The following ERO1B variants were observed in gnomAD, a reference collection of about 807,000 sequenced individuals.
The protein encoded by ERO1B is ERO1-like protein beta.
Under a neutral mutation model 75.3 loss-of-function variants are expected in ERO1B, and 49 were observed. The observed-to-expected ratio is 0.65, with a 90% confidence interval of 0.52 to 0.83. ERO1B has a LOEUF of 0.83. Ranked by LOEUF, ERO1B falls within the 40% of genes least tolerant of loss-of-function variation. ERO1B has a pLI of 0.00. For missense variants in ERO1B, 512 were observed against 560.1 expected (o/e 0.91, Z 0.87); for synonymous variants, 191 against 192.9 (o/e 0.99, Z 0.08).
chr1:236,272,836 T>C (rs772569025), intron 1 of ERO1B, among the ~76,000 whole-genome samples: 6 of 152,162 alleles, frequency 3.9e-5, no homozygotes, highest in Non-Finnish European at 8.8e-5. Flanking sequence ...TGGAATCTAA[T>C]GTGTGAATTT....
chr1:236,248,953 A>C (rs573485723), intron 5 of ERO1B, among the ~76,000 whole-genome samples: 40 of 152,238 alleles, frequency 2.6e-4, no homozygotes, highest in South Asian at 2.3e-3. Context: ...TCCTATATTA[A>C]ATTTTGTCTT....
At chr1:236,268,434 T>C (rs1665504358) in intron 2 of ERO1B, among the ~76,000 whole-genome samples, 1 of 151,230 alleles carries the variant, frequency 6.6e-6, no homozygotes, top group African/African-American at 2.4e-5. Context: ...AGCGAGACCC[T>C]GTCTAAAAAA....
chr1:236,272,161 C>A (rs2492374), intron 1 of ERO1B, among the ~76,000 whole-genome samples: 139,290 of 152,212 alleles, frequency 0.92, 64,973 homozygotes, highest in East Asian at 1. Context: ...TATCAAAGAA[C>A]TAAAAGTAGA....
At chr1:236,234,794 G>C (rs1453588507) in intron 8 of ERO1B, among the ~76,000 whole-genome samples, 2 of 151,850 alleles carry the variant, frequency 1.3e-5, no homozygotes, top group African/African-American at 4.8e-5. Flanking sequence ...AGAAAACACT[G>C]GAATGGCAGG....
rs1457446902 is a variant in ERO1B at position 236,217,541 on chromosome 1, A to G, written c.*975T>C. On this transcript the variant is annotated 3_prime_UTR_variant, in exon 16 of 16. Coordinates refer to ENST00000354619, the MANE Select transcript of ERO1B (RefSeq NM_019891.4). ...GATTGCATAGATTGTATTCTAAAAT[A>G]AATCCTTTAAAAATGCTTACTTTAA... 1.3e-5 allele frequency: 2 copies of G among 152,598 alleles called. No homozygotes were observed. Among genetic ancestry groups the G allele is most frequent in the African/African-American group, 4.8e-5 (2 of 41,448 alleles). The allele number at this position is 152,598 out of a possible 1,614,324, so 9.5% of individuals were successfully genotyped here. A position where few individuals can be genotyped will look rare whatever the true frequency, so the allele number is the denominator to read the frequency against.
intron 6 of ERO1B, among the ~76,000 whole-genome samples, chr1:236,236,678 A>G (rs1664556294): frequency 6.6e-6 from 1 of 152,344 alleles, no homozygotes; most frequent in African/African-American, 2.4e-5. Context: ...TCACCTTATT[A>G]GAGACATGAA....
intron 2 of ERO1B, among the ~76,000 whole-genome samples, chr1:236,255,341 A>C (rs1367572599): frequency 6.6e-6 from 1 of 152,040 alleles, no homozygotes; most frequent in Non-Finnish European, 1.5e-5. Flanking sequence ...TATCACACCT[A>C]AGCAGAGAGA....
At chr1:236,241,188 C>T (rs897405507) in intron 6 of ERO1B, among the ~76,000 whole-genome samples, 1 of 152,088 alleles carries the variant, frequency 6.6e-6, no homozygotes, top group African/African-American at 2.4e-5. Context: ...TTTTAATCCA[C>T]TGAATTTGGG....
chr1:236,254,903 G>A (rs1451261069), intron 2 of ERO1B, among the ~76,000 whole-genome samples: 5 of 150,356 alleles, frequency 3.3e-5, no homozygotes, highest in East Asian at 2.0e-4. Context: ...ATGAACCACC[G>A]TGCCTGGCCG....
chr1:236,217,950 T>G lies in ERO1B; in HGVS notation c.*566A>C, dbSNP rs977128908. 6.6e-6 allele frequency: 1 copy of G among 152,184 alleles called. No individual in the cohort carries two copies. The highest frequency in any genetic ancestry group is 2.4e-5 in the African/African-American group (1 of 41,458). The allele number at this position is 152,184 out of a possible 1,614,324, so 9.4% of individuals were successfully genotyped here. A position where few individuals can be genotyped will look rare whatever the true frequency, so the allele number is the denominator to read the frequency against. ...AAGTCCTGGGGAATCTTCAGGAATTTCTGTAACTATGCATTGAAAGGGCCA... is the reference window on the plus strand; with the variant it reads ...AAGTCCTGGGGAATCTTCAGGAATTGCTGTAACTATGCATTGAAAGGGCCA... On this transcript the variant is annotated 3_prime_UTR_variant, in exon 16 of 16. Coordinates refer to ENST00000354619, the MANE Select transcript of ERO1B (RefSeq NM_019891.4).
rs1202032029 is a variant in ERO1B at position 236,231,665 on chromosome 1, T to C, written c.685+1163A>G. ...TTTAAATTGAGAATGATAGAAATTA[T>C]AGAAAAACCGAACACTCAGATGAGC... On this transcript the variant is annotated intron_variant, in intron 9 of 15. Coordinates refer to ENST00000354619, the MANE Select transcript of ERO1B (RefSeq NM_019891.4). Among the ~76,000 whole-genome samples, 5 of 152,056 alleles carry C rather than the reference T, an allele frequency of 3.3e-5. No individual in the cohort carries two copies. The East Asian group carries it at 7.7e-4, about 23-fold the overall frequency.
At chr1:236,262,191 ATGTATGGTCAAT>A (rs1195776530) in intron 2 of ERO1B, among the ~76,000 whole-genome samples, 50 of 152,360 alleles carry the variant, frequency 3.3e-4, no homozygotes, top group African/African-American at 1.2e-3. Context: ...ACTCCCAAGT[ATGTATGGTCAAT>A]TGATTTTTGG....
At chr1:236,262,328 G>A (rs16833530) in intron 2 of ERO1B, among the ~76,000 whole-genome samples, 10,461 of 152,180 alleles carry the variant, frequency 0.069, 748 homozygotes, top group East Asian at 0.39. Flanking sequence ...ATACAAAAAT[G>A]CTCTTCCCCA....
chr1:236,262,548 G>A (rs1421017730), intron 2 of ERO1B, among the ~76,000 whole-genome samples: 1 of 150,574 alleles, frequency 6.6e-6, no homozygotes, highest in African/African-American at 2.4e-5. Flanking sequence ...GATTACAGTT[G>A]CACATCACTA....
intron 3 of ERO1B, 110 bp downstream of exon 3, chr1:236,253,312 T>C (rs1665083208): frequency 1.5e-6 from 1 of 660,256 alleles, no homozygotes; most frequent in African/African-American, 1.8e-5. Flanking sequence ...GCATATGAAT[T>C]TGCTGACACA....
intron 1 of ERO1B, among the ~76,000 whole-genome samples, chr1:236,277,880 T>A (rs752760719): frequency 4.5e-4 from 68 of 152,344 alleles, no homozygotes; most frequent in Non-Finnish European, 8.4e-4. Context: ...TTAAAATCTT[T>A]TTGGCCACTC....
intron 1 of ERO1B, among the ~76,000 whole-genome samples, chr1:236,281,064 C>A (rs1205916378): frequency 1.3e-5 from 2 of 152,212 alleles, no homozygotes; most frequent in Non-Finnish European, 2.9e-5. Context: ...CCCCCCCAGT[C>A]TCGTATTGGG....
chr1:236,256,103 G>A (rs1055139793), intron 2 of ERO1B, among the ~76,000 whole-genome samples: 3 of 152,058 alleles, frequency 2.0e-5, no homozygotes, highest in Non-Finnish European at 4.4e-5. Context: ...TACTTCAGGC[G>A]CTAATCCCAG....
chr1:236,228,751 C>T (rs1374645869), intron 10 of ERO1B, among the ~76,000 whole-genome samples: 2 of 152,152 alleles, frequency 1.3e-5, no homozygotes, highest in Non-Finnish European at 2.9e-5. Flanking sequence ...AGTAGGACTG[C>T]TATTGCTCCT....
Sources: gnomAD v4.1 joint callset for allele counts (sites outside exome capture counted in the v4.1 genomes callset) on GRCh38, gnomAD v4.1.1 for gene constraint, MANE v1.5 for transcripts, NCBI Gene and HGNC (gene_info 2026-07-23, HGNC 2026-07-21) for gene names.